Variants in CSMD3 observed in about 807,000 individuals in gnomAD.
The protein encoded by CSMD3 is CUB and sushi domain-containing protein 3.
In CSMD3, 177 loss-of-function variants were observed where a neutral mutation model predicts 435.2. The ratio of observed to expected loss-of-function variants is 0.41; its 90% CI spans 0.36 to 0.46. The LOEUF is 0.46. CSMD3 is among the 20% of genes least tolerant of loss of function. The pLI is 0.34. For missense variants in CSMD3, 4,265 were observed against 4,504.6 expected (o/e 0.95, Z 1.52); for synonymous variants, 1,656 against 1,520.5 (o/e 1.09, Z -2.07).
At chr8:112,806,687 T>C (rs1398715528) in intron 12 of CSMD3, among the ~76,000 whole-genome samples, 1 of 152,180 alleles carries the variant, frequency 6.6e-6, no homozygotes, top group Non-Finnish European at 1.5e-5. Flanking sequence ...ATTTATCTGA[T>C]ATTCTTGTCT....
At chr8:112,400,392 T>G (rs1831218040) in intron 35 of CSMD3, among the ~76,000 whole-genome samples, 1 of 152,106 alleles carries the variant, frequency 6.6e-6, no homozygotes, top group South Asian at 2.1e-4. Context: ...GGGTTAGAAT[T>G]TTTACATAAA....
chr8:112,755,113 C>T (rs998272333), intron 13 of CSMD3, among the ~76,000 whole-genome samples: 7 of 151,922 alleles, frequency 4.6e-5, no homozygotes, highest in African/African-American at 7.2e-5. Context: ...AGGCGGATCA[C>T]GAGGTCAGCA....
In CSMD3 at chr8:112,337,657, C is replaced by A; in HGVS notation, c.6727G>T (p.Gly2243Cys). The change falls in exon 43 of 71, where the codon GGT (glycine) becomes TGT (cysteine). Residue 2243 changes from glycine (G) to cysteine (C), a missense_variant. Around this residue, in one of 3 missense-constraint regions of CSMD3, gnomAD observed 3,255 missense variants for 3,380.2 expected, o/e 0.96. Transcript: ENST00000297405. ...GFVIGNDFTV[G>C]QTISFECFPG... ...AAACATTCAAATGAAATGGTTTGAC[C>A]CACAGTAAAATCATTACCAATTACA... 1 of 1,613,244 alleles carries A rather than the reference C, an allele frequency of 6.2e-7. No homozygotes were observed. The highest frequency in any genetic ancestry group is 1.1e-5 in the South Asian group (1 of 91,062).
chr8:112,415,037 G>A (rs1268999773), intron 32 of CSMD3, among the ~76,000 whole-genome samples: 1 of 152,194 alleles, frequency 6.6e-6, no homozygotes, highest in Non-Finnish European at 1.5e-5. Flanking sequence ...ATTTTCTGGG[G>A]AGAAATTCAA....
intron 22 of CSMD3, among the ~76,000 whole-genome samples, chr8:112,614,533 G>A (rs1339258490): frequency 6.6e-6 from 1 of 151,540 alleles, no homozygotes; most frequent in African/African-American, 2.4e-5. Context: ...CCACTCCCAG[G>A]GCCGTTTCCC....
At chr8:112,336,128 T>C (rs761848785) in intron 44 of CSMD3, among the ~76,000 whole-genome samples, 2 of 152,086 alleles carry the variant, frequency 1.3e-5, no homozygotes, top group Admixed American at 6.6e-5. Context: ...CAGGCTGGTA[T>C]TGAATTCTTG....
chr8:112,682,717 A>T, intron 15 of CSMD3, 81 bp from the exon 16 acceptor site: 1 of 919,724 alleles, frequency 1.1e-6, no homozygotes. Context: ...TGGAAAAGAG[A>T]GAGAGAGAAA....
intron 13 of CSMD3, among the ~76,000 whole-genome samples, chr8:112,720,990 A>G (rs1300710414): frequency 6.6e-6 from 1 of 152,136 alleles, no homozygotes; most frequent in African/African-American, 2.4e-5. Context: ...ATCTAGTTCA[A>G]GTCTGAATTC....
intron 35 of CSMD3, among the ~76,000 whole-genome samples, chr8:112,396,826 T>G (rs1830896498): frequency 6.6e-6 from 1 of 152,164 alleles, no homozygotes; most frequent in Admixed American, 6.6e-5. Context: ...AAGGTAATGG[T>G]ATAAAGAGTA....
chr8:112,882,833 G>A (rs2130226722), intron 10 of CSMD3, among the ~76,000 whole-genome samples: 1 of 151,990 alleles, frequency 6.6e-6, no homozygotes, highest in East Asian at 1.9e-4. Flanking sequence ...CCCATAAACA[G>A]GTTAAAGACT....
intron 3 of CSMD3, among the ~76,000 whole-genome samples, chr8:113,185,525 G>C (rs1187660703): frequency 2.0e-5 from 3 of 151,960 alleles, no homozygotes; most frequent in African/African-American, 4.8e-5. Flanking sequence ...CGTCCATGAA[G>C]GTGTGTAAGC....
At chr8:112,690,862 TCAAA>T (rs1190848817) in intron 13 of CSMD3, among the ~76,000 whole-genome samples, 4 of 151,926 alleles carry the variant, frequency 2.6e-5, no homozygotes, top group South Asian at 4.1e-4. Flanking sequence ...ACAGTTGTCT[TCAAA>T]CAAACAATAG....
chr8:113,213,209 C>A (rs2092860022), intron 3 of CSMD3, among the ~76,000 whole-genome samples: 1 of 152,070 alleles, frequency 6.6e-6, no homozygotes, highest in African/African-American at 2.4e-5. Flanking sequence ...TTCATGTGCA[C>A]TTTCCCTCAA....
intron 67 of CSMD3, among the ~76,000 whole-genome samples, chr8:112,235,699 G>A (rs16883284): frequency 0.03 from 4,536 of 152,092 alleles, 234 homozygotes; most frequent in African/African-American, 0.1. Context: ...CTATGTAATA[G>A]GGCACCATAA....
intron 29 of CSMD3, among the ~76,000 whole-genome samples, chr8:112,505,319 T>C (rs978803825): frequency 2.0e-5 from 3 of 152,186 alleles, no homozygotes; most frequent in African/African-American, 7.2e-5. Context: ...TGGTAACTGT[T>C]GGTATAATAA....
At chr8:112,302,857 CTAA>C (rs1271430835) in intron 52 of CSMD3, among the ~76,000 whole-genome samples, 15 of 150,780 alleles carry the variant, frequency 9.9e-5, no homozygotes, top group African/African-American at 3.6e-4. Context: ...TATTGATATA[CTAA>C]TATTATTATT....
chr8:113,387,103 T>C (rs2094442575), intron 1 of CSMD3, among the ~76,000 whole-genome samples: 1 of 151,756 alleles, frequency 6.6e-6, no homozygotes, highest in South Asian at 2.1e-4. Context: ...TAAAAACAAA[T>C]GAAATGATGG....
intron 22 of CSMD3, among the ~76,000 whole-genome samples, chr8:112,619,043 C>T (rs1232373350): frequency 6.6e-6 from 1 of 152,034 alleles, no homozygotes; most frequent in Non-Finnish European, 1.5e-5. Context: ...TGAATAGTGT[C>T]TACCTAGGAC....
chr8:113,381,633 G>A (rs367639450), intron 1 of CSMD3, among the ~76,000 whole-genome samples: 2 of 152,032 alleles, frequency 1.3e-5, no homozygotes, highest in East Asian at 1.9e-4. Context: ...CTAGGGATAC[G>A]GTGATGAAGA....
Sources: gnomAD v4.1 joint callset for allele counts (sites outside exome capture counted in the v4.1 genomes callset) on GRCh38, gnomAD v4.1.1 for gene constraint, gnomAD v4.1.1 regional missense constraint, MANE v1.5 for transcripts, NCBI Gene and HGNC (gene_info 2026-07-23, HGNC 2026-07-21) for gene names.